The following VAPA variants were observed in gnomAD, a reference collection of about 807,000 sequenced individuals.
The protein encoded by VAPA is vesicle-associated membrane protein-associated protein A.
VAPA carries 6 observed loss-of-function variants against 25.6 expected under a neutral mutation model. The ratio of observed to expected loss-of-function variants is 0.23; its 90% CI spans 0.13 to 0.46. The LOEUF (loss-of-function observed/expected upper bound fraction) is 0.46, where lower values mean the gene tolerates loss of function less well. VAPA is among the 20% of genes least tolerant of loss of function. VAPA has a pLI of 0.99. For synonymous variants in VAPA, 112 were observed against 106.2 expected (o/e 1.05, Z -0.34); for missense variants, 244 against 302.1 (o/e 0.81, Z 1.43).
In VAPA at chr18:9,914,028, T is replaced by C; in HGVS notation, c.-229T>C. Reference sequence around the variant, plus strand: ...CACGTGGGTCGCCGAGGCTCGCAAGTGCGCGTGGCCGTGGCGGCTGGTGTG... The same window carrying C: ...CACGTGGGTCGCCGAGGCTCGCAAGCGCGCGTGGCCGTGGCGGCTGGTGTG... On this transcript the variant is annotated 5_prime_UTR_variant, in exon 1 of 6. Coordinates refer to ENST00000400000, the MANE Select transcript of VAPA (RefSeq NM_194434.3). 1 of 456,744 alleles carries C rather than the reference T, an allele frequency of 2.2e-6. No individual in the cohort carries two copies. The highest frequency in any genetic ancestry group is 3.9e-6 in the Non-Finnish European group (1 of 255,846). 28.3% of individuals were successfully genotyped at this position (456,744 alleles called of 1,614,324 possible).
intron 4 of VAPA, among the ~76,000 whole-genome samples, chr18:9,944,318 G>A (rs1023185700): frequency 2.6e-5 from 4 of 152,128 alleles, no homozygotes; most frequent in Non-Finnish European, 5.9e-5. Flanking sequence ...TGGGGTATCA[G>A]TAAGTATAAT....
At position 9,958,197 on chromosome 18, in the gene VAPA, T is replaced by G. The variant is rs2069570201; in HGVS notation, c.*3986T>G. On this transcript the variant is annotated 3_prime_UTR_variant, in exon 6 of 6. Coordinates refer to ENST00000400000, the MANE Select transcript of VAPA (RefSeq NM_194434.3). ...AAGTTGTATCCTATTTTTTTCCAGCTTAATTTCTGTGGTTTATTGAAAACC... is the reference window on the plus strand; with the variant it reads ...AAGTTGTATCCTATTTTTTTCCAGCGTAATTTCTGTGGTTTATTGAAAACC... 6.6e-6 allele frequency: 1 copy of G among 152,236 alleles called. No homozygotes were observed. Among genetic ancestry groups the G allele is most frequent in the African/African-American group, 2.4e-5 (1 of 41,460 alleles). The allele number at this position is 152,236 out of a possible 1,614,324, so 9.4% of individuals were successfully genotyped here.
Position 9,931,903 on chromosome 18 carries a change from G to A in VAPA, c.173G>A (p.Arg58Gln), listed in dbSNP as rs866743266. Reference sequence around the variant, plus strand: ...AAAGTGAAGACTACAGCACCTCGCCGGTACTGTGTGAGGCCCAACAGTGGA... The same window carrying A: ...AAAGTGAAGACTACAGCACCTCGCCAGTACTGTGTGAGGCCCAACAGTGGA... Reference protein sequence around the residue: ...CFKVKTTAPRRYCVRPNSGII... With the variant: ...CFKVKTTAPRQYCVRPNSGII... Residue 58 changes from arginine (R) to glutamine (Q), a missense_variant, in exon 2 of 6, where the codon CGG (arginine) becomes CAG (glutamine). Physicochemically the swap from Arg to Gln is conservative, Grantham distance 43. Around this residue, in one of 2 missense-constraint regions of VAPA, gnomAD observed 99 missense variants for 161.6 expected, o/e 0.61. Coordinates refer to ENST00000400000, the MANE Select transcript of VAPA (RefSeq NM_194434.3). 4.3e-6 allele frequency: 7 copies of A among 1,612,700 alleles called. No individual in the cohort carries two copies. In the Admixed American group the frequency reaches 1.0e-4, roughly 23 times the overall value.
chr18:9,926,980 C>A (rs1599100776), intron 1 of VAPA, among the ~76,000 whole-genome samples: 1 of 152,078 alleles, frequency 6.6e-6, no homozygotes, highest in African/African-American at 2.4e-5. Flanking sequence ...AATTAATGTT[C>A]ATGTGCATTG....
At position 9,956,065 on chromosome 18, in the gene VAPA, T is replaced by G. The variant is rs1046852012; in HGVS notation, c.*1854T>G. 6.6e-6 allele frequency: 1 copy of G among 151,112 alleles called. No individual in the cohort carries two copies. Among genetic ancestry groups the G allele is most frequent in the African/African-American group, 2.4e-5 (1 of 41,332 alleles). The allele number at this position is 151,112 out of a possible 1,614,324, so 9.4% of individuals were successfully genotyped here. On this transcript the variant is annotated 3_prime_UTR_variant, in exon 6 of 6. Coordinates refer to ENST00000400000, the MANE Select transcript of VAPA (RefSeq NM_194434.3). ...TCATAGCTATCTTTTTTTAAAGAAA[T>G]TAAGTTCTTGAAAATTTAGCCAAAT...
chr18:9,953,197 T>G (rs1261616302), intron 5 of VAPA, among the ~76,000 whole-genome samples: 3 of 152,202 alleles, frequency 2.0e-5, no homozygotes, highest in Admixed American at 6.5e-5. Flanking sequence ...AAAGACATAG[T>G]GCTGTGTGAA....
intron 4 of VAPA, chr18:9,948,360 A>T (rs29125): frequency 6.6e-6 from 1 of 152,142 alleles, no homozygotes; most frequent in African/African-American, 2.4e-5. Context: ...AATTTTGGCA[A>T]GGCATAGAAT....
intron 4 of VAPA, chr18:9,945,177 C>CTA: frequency 8.5e-7 from 1 of 1,174,898 alleles, no homozygotes; most frequent in Non-Finnish European, 1.2e-6. Context: ...TAGAATTGAA[C>CTA]TATGCCTAAA....
chr18:9,935,531 C>T (rs776115673), intron 2 of VAPA, among the ~76,000 whole-genome samples: 4 of 152,168 alleles, frequency 2.6e-5, no homozygotes, highest in South Asian at 2.1e-4. Flanking sequence ...GCTGAGATTG[C>T]GCCACTGCAC....
Position 9,959,414 on chromosome 18 carries a change from C to T in VAPA, c.*5203C>T, listed in dbSNP as rs2069583076. ...TAACAATCTCAGTCCGTGAACAAAA[C>T]CAACATGAACATTCCTAAACAAGAG... On this transcript the variant is annotated 3_prime_UTR_variant, in exon 6 of 6. Coordinates refer to ENST00000400000, the MANE Select transcript of VAPA (RefSeq NM_194434.3). The T allele has an allele frequency of 6.6e-6, 1 of 152,086 alleles. No individual in the cohort carries two copies. The highest frequency in any genetic ancestry group is 2.1e-4 in the South Asian group (1 of 4,824). The allele number at this position is 152,086 out of a possible 1,614,324, so 9.4% of individuals were successfully genotyped here.
Position 9,923,758 on chromosome 18 carries a change from A to T in VAPA, c.80-8052A>T, listed in dbSNP as rs1197429802. On this transcript the variant is annotated intron_variant, in intron 1 of 5. Coordinates refer to ENST00000400000, the MANE Select transcript of VAPA (RefSeq NM_194434.3). ...CCTCACTAACAACAGATCCCCAAAAAATCTGTGGTTCTGAATTTTTTCAGT... is the reference window on the plus strand; with the variant it reads ...CCTCACTAACAACAGATCCCCAAAATATCTGTGGTTCTGAATTTTTTCAGT... Among the ~76,000 whole-genome samples the T allele has an allele frequency of 3.9e-5, 6 of 152,256 alleles. No individual in the cohort carries two copies. The East Asian group carries it at 7.7e-4, about 20-fold the overall frequency.
intron 1 of VAPA, among the ~76,000 whole-genome samples, chr18:9,916,792 T>G (rs1011232506): frequency 1.1e-4 from 16 of 152,188 alleles, no homozygotes; most frequent in African/African-American, 3.6e-4. Flanking sequence ...GTGAAGGACT[T>G]TTAGAAGACA....
At position 9,950,378 on chromosome 18, in the gene VAPA, A is replaced by G. The variant is rs2069476274; in HGVS notation, c.418-17A>G. ...GATTTGGTTAGTTAAAAAATTCCCA[A>G]TATCTTTGTAATGCAGAATGATATG... On this transcript the variant is annotated splice_polypyrimidine_tract_variant and intron_variant, in intron 4 of 5. Coordinates refer to ENST00000400000, the MANE Select transcript of VAPA (RefSeq NM_194434.3). 6.2e-7 allele frequency: 1 copy of G among 1,603,436 alleles called. No homozygotes were observed.
intron 4 of VAPA, among the ~76,000 whole-genome samples, chr18:9,941,225 T>C (rs184723656): frequency 1.2e-3 from 184 of 152,248 alleles, no homozygotes; most frequent in Admixed American, 2.4e-3. Flanking sequence ...ACTGTTGTAG[T>C]ATTAACTACC....
At chr18:9,929,337 C>G (rs1195870635) in intron 1 of VAPA, among the ~76,000 whole-genome samples, 2 of 152,040 alleles carry the variant, frequency 1.3e-5, no homozygotes, top group Non-Finnish European at 2.9e-5. Flanking sequence ...CAGTTACCAC[C>G]TAAAGGGTTA....
At chr18:9,949,635 TACACTA>T (rs1458760520) in intron 4 of VAPA, 4 of 152,228 alleles carry the variant, frequency 2.6e-5, no homozygotes, top group Non-Finnish European at 5.9e-5. Context: ...AAAAGCTTGT[TACACTA>T]ATACTGCTAC....
At chr18:9,916,417 T>C (rs956259225) in intron 1 of VAPA, among the ~76,000 whole-genome samples, 1 of 152,172 alleles carries the variant, frequency 6.6e-6, no homozygotes, top group African/African-American at 2.4e-5. Context: ...ATCCCTCCCT[T>C]AGGAAGCATT....
At chr18:9,929,996 C>T (rs80008249) in intron 1 of VAPA, among the ~76,000 whole-genome samples, 1,998 of 152,068 alleles carry the variant, frequency 0.013, 52 homozygotes, top group African/African-American at 0.044. Context: ...TGGGCAGTAT[C>T]GTGAAATGTA....
chr18:9,949,591 T>C (rs1449010541), intron 4 of VAPA: 3 of 152,234 alleles, frequency 2.0e-5, no homozygotes, highest in Non-Finnish European at 4.4e-5. Context: ...TTACCTAAAA[T>C]TATTTTAAAG....
Sources: gnomAD v4.1 joint callset for allele counts (sites outside exome capture counted in the v4.1 genomes callset) on GRCh38, gnomAD v4.1.1 for gene constraint, gnomAD v4.1.1 regional missense constraint, MANE v1.5 for transcripts, NCBI Gene and HGNC (gene_info 2026-07-23, HGNC 2026-07-21) for gene names.